Variants in AGBL4 observed in about 807,000 individuals in gnomAD.
AGBL4 encodes the protein cytosolic carboxypeptidase 6.
A neutral mutation model predicts 66.4 loss-of-function variants in AGBL4; 58 were observed. That is an observed-to-expected ratio of 0.87 (90% confidence interval 0.71 to 1.09). The LOEUF (loss-of-function observed/expected upper bound fraction) is 1.09. AGBL4 is among the 50% of genes least tolerant of loss of function. AGBL4 has a pLI of 0.00. For missense variants in AGBL4, 579 were observed against 631.0 expected, an observed-to-expected ratio of 0.92 and a Z score of 0.88; for synonymous variants, 234 against 222.9, an observed-to-expected ratio of 1.05 and a Z score of -0.44.
intron 2 of AGBL4, among the ~76,000 whole-genome samples, chr1:49,743,015 C>A (rs1558213092): frequency 1.3e-5 from 2 of 152,048 alleles, no homozygotes; most frequent in Non-Finnish European, 2.9e-5. Flanking sequence ...TCTAAAACAC[C>A]AAAAGCAATG....
intron 1 of AGBL4, among the ~76,000 whole-genome samples, chr1:49,882,957 CT>C (rs1218832659): frequency 1.3e-5 from 2 of 152,046 alleles, no homozygotes; most frequent in African/African-American, 4.8e-5. Flanking sequence ...TGCAAAAATC[CT>C]ATTCATAAAT....
chr1:48,993,884 A>T (rs1660802127), intron 5 of AGBL4, among the ~76,000 whole-genome samples: 1 of 152,202 alleles, frequency 6.6e-6, no homozygotes, highest in Admixed American at 6.5e-5. Context: ...TGGCATCAGC[A>T]ATTCAAGATG....
At chr1:48,538,001 C>T (rs747779797) in intron 12 of AGBL4, among the ~76,000 whole-genome samples, 10 of 152,092 alleles carry the variant, frequency 6.6e-5, no homozygotes, top group Non-Finnish European at 1.3e-4. Context: ...TATACATGCA[C>T]GTATGCACAA....
intron 3 of AGBL4, among the ~76,000 whole-genome samples, chr1:49,268,424 ACACACACACAC>A (rs1643976851): frequency 6.8e-6 from 1 of 146,818 alleles, no homozygotes; most frequent in Non-Finnish European, 1.5e-5. Context: ...ACACACACAC[ACACACACACAC>A]ACACACACAC....
At chr1:49,230,409 A>G (rs904983356) in intron 4 of AGBL4, among the ~76,000 whole-genome samples, 4 of 152,184 alleles carry the variant, frequency 2.6e-5, no homozygotes, top group African/African-American at 9.6e-5. Context: ...TTTTTATACT[A>G]TCCAGTTTGG....
At chr1:50,004,315 G>A (rs531062143) in intron 1 of AGBL4, among the ~76,000 whole-genome samples, 5 of 152,260 alleles carry the variant, frequency 3.3e-5, no homozygotes, top group South Asian at 4.1e-4. Context: ...TCACCACCAT[G>A]GACAAAAGGG....
chr1:49,098,423 G>A (rs1185298841), intron 4 of AGBL4, among the ~76,000 whole-genome samples: 2 of 152,200 alleles, frequency 1.3e-5, no homozygotes, highest in Admixed American at 6.5e-5. Flanking sequence ...TCTGGTTTAG[G>A]ACAGGGCTGG....
chr1:49,412,135 T>A (rs562527250), intron 3 of AGBL4, among the ~76,000 whole-genome samples: 4 of 152,156 alleles, frequency 2.6e-5, no homozygotes, highest in Admixed American at 6.5e-5. Flanking sequence ...AATGAATGCT[T>A]CTTAGTCAGT....
At chr1:49,943,025 G>A (rs1205471640) in intron 1 of AGBL4, among the ~76,000 whole-genome samples, 2 of 152,056 alleles carry the variant, frequency 1.3e-5, no homozygotes, top group African/African-American at 4.8e-5. Flanking sequence ...TTTCTCTAAA[G>A]AAGTCATTCA....
intron 5 of AGBL4, among the ~76,000 whole-genome samples, chr1:48,924,969 T>C (rs1430965175): frequency 6.6e-6 from 1 of 152,092 alleles, no homozygotes; most frequent in Non-Finnish European, 1.5e-5. Context: ...GAAAATATGT[T>C]AAAAATATTT....
chr1:49,417,713 A>G (rs968954965), intron 3 of AGBL4, among the ~76,000 whole-genome samples: 2 of 152,112 alleles, frequency 1.3e-5, no homozygotes. Context: ...AATTCATTGG[A>G]ATGATGTCTT....
chr1:49,710,656 C>A (rs1328374461), intron 2 of AGBL4, among the ~76,000 whole-genome samples: 2 of 151,378 alleles, frequency 1.3e-5, no homozygotes, highest in African/African-American at 4.8e-5. Context: ...TTCTTTGTGA[C>A]CTTTGAGTAG....
chr1:49,473,645 C>T (rs762506609), intron 3 of AGBL4, among the ~76,000 whole-genome samples: 1 of 151,940 alleles, frequency 6.6e-6, no homozygotes, highest in East Asian at 1.9e-4. Context: ...AATTAGGTCC[C>T]ACTTGTCAAT....
At chr1:48,708,288 G>A (rs74076449) in intron 6 of AGBL4, among the ~76,000 whole-genome samples, 5,665 of 152,248 alleles carry the variant, frequency 0.037, 319 homozygotes, top group African/African-American at 0.12. Flanking sequence ...ACCCAGGGCA[G>A]GTGATGTGAG....
chr1:49,870,043 T>C (rs1414569740), intron 1 of AGBL4, among the ~76,000 whole-genome samples: 1 of 152,186 alleles, frequency 6.6e-6, no homozygotes, highest in Non-Finnish European at 1.5e-5. Flanking sequence ...CATTGTATAT[T>C]GCATATGTGT....
chr1:49,051,592 G>C (rs946227763), intron 4 of AGBL4, among the ~76,000 whole-genome samples: 1 of 152,220 alleles, frequency 6.6e-6, no homozygotes, highest in Admixed American at 6.5e-5. Flanking sequence ...ACATTTGGCT[G>C]GAACAACCAA....
At chr1:49,579,096 T>C (rs768004093) in intron 3 of AGBL4, among the ~76,000 whole-genome samples, 2 of 152,208 alleles carry the variant, frequency 1.3e-5, no homozygotes, top group African/African-American at 2.4e-5. Flanking sequence ...TCCTTGAACA[T>C]TGGACTCCAG....
At chr1:49,945,907 T>A (rs1472198799) in intron 1 of AGBL4, among the ~76,000 whole-genome samples, 1 of 151,962 alleles carries the variant, frequency 6.6e-6, no homozygotes, top group Non-Finnish European at 1.5e-5. Flanking sequence ...AGCAAGAGCA[T>A]CTATTCTTAT....
chr1:49,658,693 T>G (rs531435641), intron 3 of AGBL4, among the ~76,000 whole-genome samples: 1 of 152,144 alleles, frequency 6.6e-6, no homozygotes, highest in Middle Eastern at 3.4e-3. Context: ...AAATGATGAG[T>G]TCATGTCCTT....
Sources: gnomAD v4.1 joint callset for allele counts (sites outside exome capture counted in the v4.1 genomes callset) on GRCh38, gnomAD v4.1.1 for gene constraint, MANE v1.5 for transcripts, NCBI Gene and HGNC (gene_info 2026-07-23, HGNC 2026-07-21) for gene names.